CCDC88C: variants seen among roughly 807,000 people sequenced by gnomAD.
CCDC88C encodes the protein protein Daple.
In CCDC88C, 131 loss-of-function variants were observed where a neutral mutation model predicts 198.8. That is an observed-to-expected ratio of 0.66 (90% CI 0.57 to 0.76). The LOEUF is 0.76. Ranked by LOEUF, CCDC88C falls within the 30% of genes least tolerant of loss-of-function variation. CCDC88C has a pLI of 0.00. For synonymous variants in CCDC88C, 1,166 were observed against 1,114.7 expected (o/e 1.05, Z -0.92); for missense variants, 2,553 against 2,631.6 (o/e 0.97, Z 0.65).
intron 17 of CCDC88C, 116 bp from the exon 18 acceptor site, chr14:91,307,342 G>A (rs994388086): frequency 1.9e-5 from 16 of 862,946 alleles, no homozygotes; most frequent in East Asian, 7.4e-5. Flanking sequence ...ATACTCGCCC[G>A]CCCTGGTCTG....
chr14:91,329,899 C>G lies in CCDC88C; in HGVS notation c.1051-3843G>C, dbSNP rs567182724. Among the ~76,000 whole-genome samples the G allele has an allele frequency of 2.0e-5, 3 of 152,324 alleles. No homozygotes were observed. The East Asian group carries it at 5.8e-4, about 29-fold the overall frequency. ...GGCCAGACCCTGAGAATGTGAAGGC[C>G]CAGTCAGGCAATGTTTTCAGCTCTG... On this transcript the variant is annotated intron_variant, in intron 10 of 29. Transcript: ENST00000389857.
chr14:91,330,182 T>A (rs1892759345), intron 10 of CCDC88C, among the ~76,000 whole-genome samples: 1 of 152,142 alleles, frequency 6.6e-6, no homozygotes, highest in African/African-American at 2.4e-5. Flanking sequence ...AAGTGCCACG[T>A]GATGAGCACT....
intron 4 of CCDC88C, among the ~76,000 whole-genome samples, chr14:91,346,437 A>G (rs904423489): frequency 9.9e-5 from 15 of 152,196 alleles, no homozygotes; most frequent in African/African-American, 3.6e-4. Flanking sequence ...GTAAGTGTAG[A>G]AATTCATCAA....
chr14:91,309,317 G>T (rs146809288), intron 16 of CCDC88C, among the ~76,000 whole-genome samples: 2 of 152,260 alleles, frequency 1.3e-5, no homozygotes, highest in African/African-American at 4.8e-5. Context: ...AAATTAAGAA[G>T]CGTGGCTGGG....
rs1437100154 is a variant in CCDC88C at position 91,313,274 on chromosome 14, C to T, written c.2542G>A (p.Val848Met). ...EKEAKRLWQQVELKDAVLDDS... is the reference protein window; with the variant it reads ...EKEAKRLWQQMELKDAVLDDS... ...TCCAAGACTGCATCCTTGAGCTCCACCTGCTGCCACAGCCGCTTGGCCTCC... is the reference window on the plus strand; with the variant it reads ...TCCAAGACTGCATCCTTGAGCTCCATCTGCTGCCACAGCCGCTTGGCCTCC... The change falls in exon 15 of 30, where the codon GTG becomes ATG. Residue 848 changes from valine to methionine, a missense_variant. By Grantham distance (21) the Val-to-Met change is conservative. Transcript: ENST00000389857. This position sits in a 1 kb window ranked among gnomAD's most constrained non-coding sequence, Gnocchi z 5.2. 6.2e-7 allele frequency: 1 copy of T among 1,613,900 alleles called. No individual in the cohort carries two copies. The highest frequency in any genetic ancestry group is 8.5e-7 in the Non-Finnish European group (1 of 1,179,796).
intron 1 of CCDC88C, 124 bp downstream of exon 1, chr14:91,417,507 T>C (rs1887128699): frequency 1.3e-6 from 1 of 777,194 alleles, no homozygotes; most frequent in East Asian, 3.2e-5. Context: ...GGGAGCCACT[T>C]GCTGCGTCCC....
At chr14:91,331,710 G>C (rs1451359073) in intron 10 of CCDC88C, among the ~76,000 whole-genome samples, 1 of 152,176 alleles carries the variant, frequency 6.6e-6, no homozygotes, top group Non-Finnish European at 1.5e-5. Flanking sequence ...TGTTGGGGAG[G>C]CTCCCCACGG....
intron 3 of CCDC88C, among the ~76,000 whole-genome samples, chr14:91,392,293 C>CCAAAA (rs1225302992): frequency 6.6e-6 from 1 of 152,072 alleles, no homozygotes; most frequent in Admixed American, 6.5e-5. Flanking sequence ...CCCAACCCTG[C>CCAAAA]CAAAACAAAA....
At position 91,273,167 on chromosome 14, in the gene CCDC88C, C is replaced by A; in HGVS notation, c.5545G>T (p.Ala1849Ser). 1 of 1,579,746 alleles carries A rather than the reference C, an allele frequency of 6.3e-7. No individual in the cohort carries two copies. Among genetic ancestry groups the A allele is most frequent in the Non-Finnish European group, 8.6e-7 (1 of 1,163,160 alleles). The part of the protein sequence containing the change: ...ETGSHTLQSP[A>S]PPSSHSLARE... The stretch of plus-strand genomic sequence containing the variant: ...GCCAGGCTATGGGAGCTGGGGGGTG[C>A]GGGGCTTTGCAGGGTGTGGCTGCCT... The change falls in exon 30 of 30, where the codon GCA (alanine) becomes TCA (serine). Residue 1849 changes from alanine to serine, a missense_variant. Around this residue, in one of 2 missense-constraint regions of CCDC88C, gnomAD observed 1,293 missense variants for 1,219.6 expected, o/e 1.06. Transcript: ENST00000389857. This position sits in a 1 kb window ranked among gnomAD's most constrained non-coding sequence, Gnocchi z 5.6.
intron 13 of CCDC88C, among the ~76,000 whole-genome samples, chr14:91,316,263 G>A (rs140950550): frequency 6.6e-6 from 1 of 152,136 alleles, no homozygotes; most frequent in Non-Finnish European, 1.5e-5. Flanking sequence ...GCCACATTTT[G>A]TCTGGCCTGG....
At chr14:91,326,690 G>A (rs1892600011) in intron 10 of CCDC88C, among the ~76,000 whole-genome samples, 1 of 152,228 alleles carries the variant, frequency 6.6e-6, no homozygotes, top group South Asian at 2.1e-4. Flanking sequence ...GGGGTTGAGA[G>A]TCAATCCTGG....
At chr14:91,399,467 T>A (rs930982916) in intron 3 of CCDC88C, among the ~76,000 whole-genome samples, 1 of 152,198 alleles carries the variant, frequency 6.6e-6, no homozygotes, top group African/African-American at 2.4e-5. Flanking sequence ...CCCTGCCACC[T>A]GCCAACCCCT....
In CCDC88C at chr14:91,298,666, TTTGCTGGAGCCGA is replaced by T. The variant is rs1891134959; in HGVS notation, c.3780-1188_3780-1176del. ...CCGGGCCCGCCTCCAGCTGGCGGCC[TTTGCTGGAGCCGA>T]TTCTCTGCTGCCCTTTTAGACGATG... On this transcript the variant is annotated intron_variant, in intron 21 of 29. Transcript: ENST00000389857. Among the ~76,000 whole-genome samples, 4 of 152,352 alleles carry T rather than the reference TTTGCTGGAGCCGA, an allele frequency of 2.6e-5. No individual in the cohort carries two copies. In the South Asian group the frequency reaches 8.3e-4, roughly 32 times the overall value.
At chr14:91,390,837 G>A (rs975994346) in intron 3 of CCDC88C, among the ~76,000 whole-genome samples, 12 of 152,180 alleles carry the variant, frequency 7.9e-5, no homozygotes, top group Admixed American at 4.6e-4. Context: ...CAGAACCAGA[G>A]AGCGCAGAGG....
At chr14:91,410,009 T>TG (rs1429399564) in intron 2 of CCDC88C, among the ~76,000 whole-genome samples, 9 of 152,214 alleles carry the variant, frequency 5.9e-5, no homozygotes, top group African/African-American at 2.2e-4. Flanking sequence ...TTAATTCATG[T>TG]GGGGAATCCC....
intron 15 of CCDC88C, among the ~76,000 whole-genome samples, chr14:91,310,379 A>C (rs1428102069): frequency 6.6e-6 from 1 of 152,132 alleles, no homozygotes; most frequent in Non-Finnish European, 1.5e-5. Flanking sequence ...ATGTGTAAAG[A>C]GGGGAAATAT....
In CCDC88C at chr14:91,288,712, GGC is replaced by G. The variant is rs1352308425; in HGVS notation, c.4441+391_4441+392del. ...GACGTTAGGAGTTCGAGACCAGCCT[GGC>G]CAACATGGTGAAACCCCGTCTCTAC... On this transcript the variant is annotated intron_variant, in intron 25 of 29. Coordinates refer to ENST00000389857, the MANE Select transcript of CCDC88C (RefSeq NM_001080414.4). This position sits in a 1 kb window ranked among gnomAD's most constrained non-coding sequence, Gnocchi z 4.2. The G allele has an allele frequency of 1.2e-5, 2 of 164,266 alleles. No homozygotes were observed. The allele number at this position is 164,266 out of a possible 1,614,324, so 10.2% of individuals were successfully genotyped here.
intron 20 of CCDC88C, among the ~76,000 whole-genome samples, 155 bp from the exon 21 acceptor site, chr14:91,300,225 C>A (rs1891212191): frequency 6.6e-6 from 1 of 152,172 alleles, no homozygotes; most frequent in Non-Finnish European, 1.5e-5. Flanking sequence ...AGGGAACAGG[C>A]GGGGAGCGCA....
intron 4 of CCDC88C, among the ~76,000 whole-genome samples, chr14:91,348,353 C>A (rs923673523): frequency 4.8e-5 from 7 of 146,616 alleles, no homozygotes; most frequent in African/African-American, 1.8e-4. Context: ...ATTAGCCTGG[C>A]CTGGTGGTGC....
Sources: gnomAD v4.1 joint callset for allele counts (sites outside exome capture counted in the v4.1 genomes callset) on GRCh38, gnomAD v4.1.1 for gene constraint, gnomAD v4.1.1 regional missense constraint, Gnocchi (gnomAD v3.1) non-coding constraint, MANE v1.5 for transcripts, NCBI Gene and HGNC (gene_info 2026-07-23, HGNC 2026-07-21) for gene names.